AUTS2: variants seen among roughly 807,000 people sequenced by gnomAD.
AUTS2 encodes autism susceptibility gene 2 protein.
In AUTS2, 17 loss-of-function variants were observed where a neutral mutation model predicts 112.4. The observed-to-expected ratio is 0.15, with a 90% CI of 0.10 to 0.23. The LOEUF (loss-of-function observed/expected upper bound fraction) is 0.23. Ranked by LOEUF, AUTS2 falls within the 10% of genes least tolerant of loss-of-function variation. The pLI, the probability that AUTS2 is intolerant of heterozygous loss-of-function variation, is 1.00. For synonymous variants in AUTS2, 751 were observed against 702.7 expected (o/e 1.07, Z -1.09); for missense variants, 1,510 against 1,701.6 (o/e 0.89, Z 1.98).
chr7:69,921,329 T>G (rs1026427620), intron 2 of AUTS2, among the ~76,000 whole-genome samples: 4 of 6,074 alleles, frequency 6.6e-4, no homozygotes, highest in African/African-American at 1.0e-3. Flanking sequence ...GACTTGAAGT[T>G]TTTTTTTTTT....
chr7:70,333,017 T>C (rs1006531882), intron 4 of AUTS2, among the ~76,000 whole-genome samples: 3 of 152,076 alleles, frequency 2.0e-5, no homozygotes, highest in Non-Finnish European at 4.4e-5. Context: ...ATCATTAGAG[T>C]GAACAGGCAA....
chr7:69,800,071 A>G (rs1274128578), intron 1 of AUTS2, among the ~76,000 whole-genome samples: 1 of 152,236 alleles, frequency 6.6e-6, no homozygotes, highest in East Asian at 1.9e-4. Flanking sequence ...ATAGATCAGT[A>G]TCTTGGTTAT....
intron 5 of AUTS2, among the ~76,000 whole-genome samples, chr7:70,534,623 G>A (rs746216533): frequency 6.6e-5 from 10 of 152,222 alleles, no homozygotes; most frequent in East Asian, 3.9e-4. Flanking sequence ...AAGGGGTTTC[G>A]CCATGTTGGT....
chr7:69,897,555 C>A (rs1562956731), intron 1 of AUTS2, among the ~76,000 whole-genome samples: 1 of 145,374 alleles, frequency 6.9e-6, no homozygotes, highest in Non-Finnish European at 1.5e-5. Context: ...TCCTGGCCAA[C>A]ATGGTGAAAC....
chr7:69,687,264 A>G (rs993449581), intron 1 of AUTS2, among the ~76,000 whole-genome samples: 10 of 152,258 alleles, frequency 6.6e-5, no homozygotes, highest in African/African-American at 2.2e-4. Flanking sequence ...CAGGAATAGC[A>G]GCAATGCAAA....
At chr7:69,961,968 A>G (rs184821198) in intron 2 of AUTS2, among the ~76,000 whole-genome samples, 223 of 152,228 alleles carry the variant, frequency 1.5e-3, no homozygotes, top group African/African-American at 5.3e-3. Flanking sequence ...ACTATTTTCT[A>G]TCCTTCCACA....
intron 2 of AUTS2, among the ~76,000 whole-genome samples, chr7:69,992,105 C>T (rs543770087): frequency 2.6e-5 from 4 of 152,168 alleles, no homozygotes; most frequent in Non-Finnish European, 5.9e-5. Context: ...TCTTCATGAC[C>T]TTTTTGCTAG....
At chr7:69,686,231 TCGTGAATATA>T (rs1797057598) in intron 1 of AUTS2, among the ~76,000 whole-genome samples, 1 of 152,208 alleles carries the variant, frequency 6.6e-6, no homozygotes, top group South Asian at 2.1e-4. Context: ...GATATTTGAA[TCGTGAATATA>T]CGTGGCCTTA....
intron 5 of AUTS2, among the ~76,000 whole-genome samples, chr7:70,587,799 G>A (rs1802752800): frequency 6.6e-6 from 1 of 152,216 alleles, no homozygotes; most frequent in Admixed American, 6.5e-5. Flanking sequence ...ATCAAAAACA[G>A]TCAAATATTA....
At chr7:70,558,476 G>A (rs1801342290) in intron 5 of AUTS2, among the ~76,000 whole-genome samples, 2 of 152,156 alleles carry the variant, frequency 1.3e-5, no homozygotes, top group Admixed American at 1.3e-4. Flanking sequence ...CCACTGTCAG[G>A]AGCAGGCACA....
At chr7:70,112,127 C>T (rs561956349) in intron 2 of AUTS2, among the ~76,000 whole-genome samples, 77 of 151,862 alleles carry the variant, frequency 5.1e-4, no homozygotes, top group African/African-American at 1.8e-3. Flanking sequence ...CATGAGTTAA[C>T]TTCTAGCAAA....
intron 1 of AUTS2, among the ~76,000 whole-genome samples, chr7:69,895,357 A>C (rs1325387243): frequency 6.6e-6 from 1 of 152,204 alleles, no homozygotes; most frequent in Non-Finnish European, 1.5e-5. Context: ...TTTATTCAGG[A>C]TTTGTACCAA....
intron 4 of AUTS2, among the ~76,000 whole-genome samples, chr7:70,400,329 G>C (rs189630213): frequency 3.3e-5 from 5 of 152,258 alleles, no homozygotes; most frequent in African/African-American, 1.2e-4. Flanking sequence ...CCTTGTGTGT[G>C]GTTTGGATCC....
intron 4 of AUTS2, among the ~76,000 whole-genome samples, chr7:70,245,164 ATAT>A (rs1370085995): frequency 2.2e-5 from 3 of 139,382 alleles, no homozygotes; most frequent in African/African-American, 8.1e-5. Flanking sequence ...ATATATATAT[ATAT>A]ATAAAAAATA....
At chr7:69,856,662 C>T (rs986268607) in intron 1 of AUTS2, among the ~76,000 whole-genome samples, 1 of 152,302 alleles carries the variant, frequency 6.6e-6, no homozygotes, top group South Asian at 2.1e-4. Context: ...TTAGTTTCCT[C>T]AGTTGTGCAG....
chr7:70,604,328 T>C (rs1803622505), intron 5 of AUTS2, among the ~76,000 whole-genome samples: 1 of 152,152 alleles, frequency 6.6e-6, no homozygotes, highest in Admixed American at 6.5e-5. Context: ...ACAGCATGCA[T>C]GAGCTACTGC....
At chr7:70,559,774 C>CT (rs1194964791) in intron 5 of AUTS2, among the ~76,000 whole-genome samples, 1 of 152,192 alleles carries the variant, frequency 6.6e-6, no homozygotes, top group Non-Finnish European at 1.5e-5. Context: ...TCCTAACCTC[C>CT]TTACCTCCAG....
intron 1 of AUTS2, among the ~76,000 whole-genome samples, chr7:69,602,032 ATATATATATGTGTGTGTGTGTGTG>A (rs1394122873): frequency 2.3e-4 from 3 of 13,000 alleles, no homozygotes; most frequent in Non-Finnish European, 3.4e-4. Flanking sequence ...ATATATATAT[ATATATATATGTGTGTGTGTGTGTG>A]TGTGTGTGTG....
chr7:70,288,334 G>A (rs550598687), intron 4 of AUTS2, among the ~76,000 whole-genome samples: 8 of 152,198 alleles, frequency 5.3e-5, no homozygotes, highest in African/African-American at 1.4e-4. Context: ...CCCGGGAGGC[G>A]GAGGTTGCAG....
Sources: gnomAD v4.1 joint callset for allele counts (sites outside exome capture counted in the v4.1 genomes callset) on GRCh38, gnomAD v4.1.1 for gene constraint, MANE v1.5 for transcripts, NCBI Gene and HGNC (gene_info 2026-07-23, HGNC 2026-07-21) for gene names.